The following GSTCD variants were observed in gnomAD, a reference collection of about 807,000 sequenced individuals.
GSTCD encodes glutathione S-transferase C-terminal domain-containing protein.
GSTCD carries 44 observed loss-of-function variants against 68.3 expected under a neutral mutation model. The observed-to-expected ratio is 0.64, with a 90% CI of 0.51 to 0.83. GSTCD has a LOEUF of 0.83. Among genes scored for constraint, GSTCD ranks in the 40% least tolerant of loss-of-function variants. GSTCD has a pLI of 0.00. For missense variants in GSTCD, 739 were observed against 735.9 expected (o/e 1.00, Z -0.05); for synonymous variants, 273 against 255.2 (o/e 1.07, Z -0.67).
At chr4:105,844,153 TG>T (rs759466271) in intron 11 of GSTCD, among the ~76,000 whole-genome samples, 1 of 152,140 alleles carries the variant, frequency 6.6e-6, no homozygotes, top group Non-Finnish European at 1.5e-5. Flanking sequence ...ATGTAAACCC[TG>T]GGTGGGTACT....
chr4:105,770,012 G>C (rs55957403), intron 5 of GSTCD, among the ~76,000 whole-genome samples: 1 of 152,094 alleles, frequency 6.6e-6, no homozygotes, highest in African/African-American at 2.4e-5. Flanking sequence ...TCCCACCTCA[G>C]CCTCCCAAAA....
chr4:105,739,113 T>G (rs1380524512), intron 5 of GSTCD, among the ~76,000 whole-genome samples: 3 of 152,232 alleles, frequency 2.0e-5, no homozygotes, highest in Admixed American at 6.5e-5. Flanking sequence ...TTGTCCCTCA[T>G]TCTGTTGATA....
rs563018058 is a variant in GSTCD at position 105,845,727 on chromosome 4, G to A, written c.*150G>A. On this transcript the variant is annotated 3_prime_UTR_variant, in exon 12 of 12. Transcript: ENST00000515279. ...GGAAAGCAACAGGGAAATCTTGGAA[G>A]TAAAGGCTCCCTGCAAAGCATCACA... 2.8e-6 allele frequency: 2 copies of A among 722,206 alleles called. No homozygotes were observed. Among genetic ancestry groups the A allele is most frequent in the South Asian group, 1.8e-5 (1 of 54,156 alleles). The allele number at this position is 722,206 out of a possible 1,614,324, so 44.7% of individuals were successfully genotyped here. A position where few individuals can be genotyped will look rare whatever the true frequency, so the allele number is the denominator to read the frequency against.
At chr4:105,738,761 T>C (rs552633733) in intron 5 of GSTCD, among the ~76,000 whole-genome samples, 1 of 152,362 alleles carries the variant, frequency 6.6e-6, no homozygotes, top group African/African-American at 2.4e-5. Flanking sequence ...TTTTTCTATA[T>C]GTAAGATTGT....
intron 3 of GSTCD, among the ~76,000 whole-genome samples, chr4:105,722,750 C>CTTTGT (rs2149207681): frequency 6.6e-6 from 1 of 150,572 alleles, no homozygotes; most frequent in South Asian, 2.1e-4. Flanking sequence ...TTTTTTAAAC[C>CTTTGT]TTTGTTTTAA....
At chr4:105,743,061 T>G (rs1290388879) in intron 5 of GSTCD, among the ~76,000 whole-genome samples, 1 of 151,842 alleles carries the variant, frequency 6.6e-6, no homozygotes, top group South Asian at 2.1e-4. Flanking sequence ...GCCATTCTCC[T>G]GCCTCAGCCT....
chr4:105,748,310 G>C lies in GSTCD; in HGVS notation c.1240+18811G>C, dbSNP rs561672763. On this transcript the variant is annotated intron_variant, in intron 5 of 11. Transcript: ENST00000515279. ...ATCAATAGCATGAGATCAAAGAGGT[G>C]GGTTTTGTTCTGTTTTGTTTTGTTT... 1.1e-4 allele frequency among the ~76,000 whole-genome samples: 16 copies of C among 151,986 alleles called. No homozygotes were observed. In the South Asian group the frequency reaches 3.3e-3, roughly 32 times the overall value.
At chr4:105,805,601 T>G (rs1722457127) in intron 5 of GSTCD, among the ~76,000 whole-genome samples, 1 of 152,102 alleles carries the variant, frequency 6.6e-6, no homozygotes, top group Non-Finnish European at 1.5e-5. Context: ...CGCTCTTTTA[T>G]GCAAAATGCT....
At chr4:105,834,141 G>A (rs1038119777) in intron 8 of GSTCD, among the ~76,000 whole-genome samples, 6 of 152,138 alleles carry the variant, frequency 3.9e-5, no homozygotes, top group African/African-American at 1.2e-4. Context: ...GTGGCTCAGG[G>A]TTATATAGGC....
intron 9 of GSTCD, among the ~76,000 whole-genome samples, chr4:105,837,462 A>G (rs577048340): frequency 2.0e-5 from 3 of 152,180 alleles, no homozygotes; most frequent in Admixed American, 2.0e-4. Context: ...CCTTCATCAC[A>G]TGGCATGCCC....
Position 105,749,626 on chromosome 4 carries a change from T to A in GSTCD, c.1240+20127T>A, listed in dbSNP as rs369181512. Among the ~76,000 whole-genome samples, 23 of 145,074 alleles carry A rather than the reference T, an allele frequency of 1.6e-4. No homozygotes were observed. The South Asian group carries it at 3.5e-3, about 22-fold the overall frequency. On this transcript the variant is annotated intron_variant, in intron 5 of 11. Transcript: ENST00000515279. ...TCCATAGGCAAAAAAAAAAAAAAAA[T>A]CTCTACCTAAATTGCACACTTATAT... is the stretch of plus-strand genomic sequence containing the variant.
At chr4:105,841,942 G>C (rs1330343565) in intron 10 of GSTCD, 123 bp from the exon 11 acceptor site, 1 of 691,596 alleles carries the variant, frequency 1.4e-6, no homozygotes, top group Non-Finnish European at 2.6e-6. Context: ...TATTTGTGCA[G>C]TACTTTATTC....
intron 5 of GSTCD, among the ~76,000 whole-genome samples, chr4:105,735,295 G>A (rs986660930): frequency 1.4e-4 from 22 of 152,168 alleles, no homozygotes; most frequent in Non-Finnish European, 2.8e-4. Context: ...GAGGCAGGCA[G>A]GCCTCCTTGA....
rs1002656742 is a variant in GSTCD at position 105,841,176 on chromosome 4, T to A, written c.1696-889T>A. On this transcript the variant is annotated intron_variant, in intron 10 of 11. Transcript: ENST00000515279. ...TAAAAAAAATAAATAAATACAAAAA[T>A]TAGCCAGCATGGTGGCGTGCGCCTG... 2.2e-4 allele frequency among the ~76,000 whole-genome samples: 33 copies of A among 151,722 alleles called. 1 individual carries two copies. Among genetic ancestry groups the A allele is most frequent in the African/African-American group, 8.0e-4 (33 of 41,370 alleles).
intron 2 of GSTCD, 136 bp from the exon 3 acceptor site, chr4:105,718,924 C>T (rs2149205207): frequency 1.5e-6 from 1 of 660,844 alleles, no homozygotes; most frequent in East Asian, 2.7e-5. Flanking sequence ...TGTGATGTGT[C>T]TCCTGATACA....
At chr4:105,780,702 A>T (rs1023391688) in intron 5 of GSTCD, among the ~76,000 whole-genome samples, 1 of 152,190 alleles carries the variant, frequency 6.6e-6, no homozygotes, top group Non-Finnish European at 1.5e-5. Flanking sequence ...ATTCTTTTAT[A>T]ATAGAAGTAT....
At chr4:105,744,506 T>C (rs997631543) in intron 5 of GSTCD, among the ~76,000 whole-genome samples, 1 of 152,222 alleles carries the variant, frequency 6.6e-6, no homozygotes, top group Non-Finnish European at 1.5e-5. Context: ...TTTTCTTCTC[T>C]TTTTATTTCT....
chr4:105,830,083 C>T (rs1560851930), intron 8 of GSTCD, among the ~76,000 whole-genome samples: 1 of 151,830 alleles, frequency 6.6e-6, no homozygotes. Flanking sequence ...ACTGGTAAAT[C>T]GTGGGGAGGA....
At chr4:105,743,782 T>C (rs1465592509) in intron 5 of GSTCD, among the ~76,000 whole-genome samples, 1 of 149,224 alleles carries the variant, frequency 6.7e-6, no homozygotes, top group Non-Finnish European at 1.5e-5. Context: ...CCTCAGCCTC[T>C]CGAGTAGCTG....
Sources: allele counts gnomAD v4.1 joint callset (sites outside exome capture counted in the v4.1 genomes callset), GRCh38; gene constraint gnomAD v4.1.1; transcripts MANE v1.5; gene names NCBI Gene and HGNC (gene_info 2026-07-23, HGNC 2026-07-21).